The following KDM2A variants were observed in gnomAD, a reference collection of about 807,000 sequenced individuals.
The protein encoded by KDM2A is lysine-specific demethylase 2A.
KDM2A carries 3 observed loss-of-function variants against 137.3 expected under a neutral mutation model. The observed-to-expected ratio is 0.02, with a 90% CI of 0.01 to 0.06. The LOEUF is 0.06. Ranked by LOEUF, KDM2A falls within the 10% of genes least tolerant of loss-of-function variation. KDM2A has a pLI of 1.00. For missense variants in KDM2A, 738 were observed against 1,510.6 expected (o/e 0.49, Z 8.48); for synonymous variants, 512 against 541.5 (o/e 0.95, Z 0.76).
At chr11:67,134,547 G>A (rs543977819) in intron 2 of KDM2A, among the ~76,000 whole-genome samples, 17 of 151,954 alleles carry the variant, frequency 1.1e-4, no homozygotes, top group African/African-American at 4.1e-4. Context: ...ATCTGTTGCC[G>A]AGGCTGGAAT....
intron 12 of KDM2A, among the ~76,000 whole-genome samples, chr11:67,237,742 G>A (rs1858912260): frequency 6.6e-6 from 1 of 151,928 alleles, no homozygotes. Context: ...AAGGCCAGGA[G>A]TTCAAGACCA....
At chr11:67,237,101 A>T (rs937714806) in intron 12 of KDM2A, among the ~76,000 whole-genome samples, 2 of 152,208 alleles carry the variant, frequency 1.3e-5, no homozygotes, top group Non-Finnish European at 2.9e-5. Flanking sequence ...TAGGATATAA[A>T]TTTATTACTA....
intron 5 of KDM2A, among the ~76,000 whole-genome samples, chr11:67,193,450 T>C (rs1169892787): frequency 1.3e-5 from 2 of 152,380 alleles, no homozygotes; most frequent in South Asian, 2.1e-4. Flanking sequence ...TATTCTGTTA[T>C]CACTTTCTCA....
chr11:67,158,868 G>T (rs1231259253), intron 2 of KDM2A, among the ~76,000 whole-genome samples: 6 of 151,912 alleles, frequency 3.9e-5, no homozygotes, highest in African/African-American at 1.5e-4. Flanking sequence ...TATTGTGCTG[G>T]TTTTTTTATT....
intron 2 of KDM2A, among the ~76,000 whole-genome samples, chr11:67,161,183 T>C (rs1226147232): frequency 6.6e-6 from 1 of 152,204 alleles, no homozygotes; most frequent in African/African-American, 2.4e-5. Context: ...GAACGCAGTG[T>C]GATCCTGTCT....
At chr11:67,201,071 G>A (rs1378553661) in intron 5 of KDM2A, among the ~76,000 whole-genome samples, 1 of 151,906 alleles carries the variant, frequency 6.6e-6, no homozygotes, top group Non-Finnish European at 1.5e-5. Context: ...GCGGGCGCTT[G>A]TAGTCCCAGC....
chr11:67,240,928 A>C (rs558396858), intron 12 of KDM2A, among the ~76,000 whole-genome samples: 38 of 152,196 alleles, frequency 2.5e-4, no homozygotes, highest in East Asian at 3.9e-4. Context: ...GCCACCCCCC[A>C]CACACACACC....
chr11:67,130,842 A>C (rs1162608381), intron 2 of KDM2A, among the ~76,000 whole-genome samples: 1 of 151,624 alleles, frequency 6.6e-6, no homozygotes, highest in Non-Finnish European at 1.5e-5. Context: ...TGGAAGGTAG[A>C]TGGTATCGTT....
intron 5 of KDM2A, among the ~76,000 whole-genome samples, chr11:67,188,972 T>C (rs1590762485): frequency 6.6e-6 from 1 of 152,176 alleles, no homozygotes; most frequent in East Asian, 1.9e-4. Flanking sequence ...CAGTAATACC[T>C]GGAGACTTCA....
chr11:67,206,258 C>CCA (rs1252446248), intron 5 of KDM2A, among the ~76,000 whole-genome samples: 16 of 152,188 alleles, frequency 1.1e-4, no homozygotes, highest in African/African-American at 3.6e-4. Flanking sequence ...TGGCAAAACG[C>CCA]TGACTTTACC....
Position 67,140,497 on chromosome 11 carries a change from A to G in KDM2A, c.42+19139A>G, listed in dbSNP as rs574092333. Among the ~76,000 whole-genome samples the G allele has an allele frequency of 2.0e-5, 3 of 152,234 alleles. No individual in the cohort carries two copies. The East Asian group carries it at 5.8e-4, about 29-fold the overall frequency. ...CCTGGTGCGATGGTTCACTCCTGTAATCCCAGCACTTTGGGAGGTGGAAGC... is the reference window on the plus strand; with the variant it reads ...CCTGGTGCGATGGTTCACTCCTGTAGTCCCAGCACTTTGGGAGGTGGAAGC... On this transcript the variant is annotated intron_variant, in intron 2 of 20. Transcript: ENST00000529006.
At position 67,245,013 on chromosome 11, in the gene KDM2A, A is replaced by T; in HGVS notation, c.1564-176A>T. On this transcript the variant is annotated intron_variant, in intron 13 of 20. Transcript: ENST00000529006. The surrounding 1 kb of genome is among the most constrained non-coding windows in gnomAD (Gnocchi z 4.1). The stretch of plus-strand genomic sequence containing the variant: ...AAAAAAAAAAAAAAAGCAGCCATTG[A>T]TAATACATACACAAGATGAGTTGTG... 1 of 629,730 alleles carries T rather than the reference A, an allele frequency of 1.6e-6. No homozygotes were observed. The highest frequency in any genetic ancestry group is 1.8e-5 in the African/African-American group (1 of 54,574). 39.0% of individuals were successfully genotyped at this position (629,730 alleles called of 1,614,324 possible).
rs1326558700 is a variant in KDM2A, at chr11:67,121,279, G to A, written c.-38G>A. ...GGAGGAAGAGGAAGGCAGCCCTGGAGTGGTTTCTTTACAGTAATTTCAACA... is the reference window on the plus strand; with the variant it reads ...GGAGGAAGAGGAAGGCAGCCCTGGAATGGTTTCTTTACAGTAATTTCAACA... On this transcript the variant is annotated 5_prime_UTR_variant, in exon 2 of 21. It adds an upstream start codon to the 5' untranslated region. Coordinates refer to ENST00000529006, the MANE Select transcript of KDM2A (RefSeq NM_012308.3). 5.0e-6 allele frequency: 8 copies of A among 1,586,790 alleles called. No individual in the cohort carries two copies. The highest frequency in any genetic ancestry group is 6.9e-6 in the Non-Finnish European group (8 of 1,155,362).
At chr11:67,170,606 G>T (rs1252350269) in intron 2 of KDM2A, among the ~76,000 whole-genome samples, 15 of 151,750 alleles carry the variant, frequency 9.9e-5, no homozygotes, top group African/African-American at 3.6e-4. Context: ...GTAGAAACGG[G>T]GTTTCACCAT....
chr11:67,139,491 C>T (rs1228038670), intron 2 of KDM2A, among the ~76,000 whole-genome samples: 2 of 151,858 alleles, frequency 1.3e-5, no homozygotes, highest in African/African-American at 4.8e-5. Context: ...GTGATTCGCC[C>T]ACCTCGGCCC....
intron 12 of KDM2A, 45 bp downstream of exon 12, chr11:67,232,005 G>C (rs1159263743): frequency 5.2e-6 from 8 of 1,532,992 alleles, no homozygotes; most frequent in Non-Finnish European, 7.0e-6. Flanking sequence ...TCCAGCTATG[G>C]CAGTCAGCTT....
At chr11:67,142,929 C>G (rs1381167012) in intron 2 of KDM2A, among the ~76,000 whole-genome samples, 6 of 151,576 alleles carry the variant, frequency 4.0e-5, no homozygotes, top group African/African-American at 1.5e-4. Flanking sequence ...TCTTTTATCT[C>G]TATCTTCTAC....
At position 67,243,050 on chromosome 11, in the gene KDM2A, C is replaced by A; in HGVS notation, c.1521C>A (p.Ala507=). 7 of 1,613,760 alleles carry A rather than the reference C, an allele frequency of 4.3e-6. No homozygotes were observed. Among genetic ancestry groups the A allele is most frequent in the Non-Finnish European group, 5.9e-6 (7 of 1,179,758 alleles). ...EELANSDPKL[A]LTGVPIVQWP... ...TTGCCAACAGCGATCCCAAGTTAGC[C>A]CTCACTGGAGTTCCTATAGTACAGT... The change falls in exon 13 of 21, where the codon GCC becomes GCA. Residue 507 remains alanine (A), a synonymous_variant. Coordinates refer to ENST00000529006, the MANE Select transcript of KDM2A (RefSeq NM_012308.3).
chr11:67,240,857 C>T (rs915590885), intron 12 of KDM2A, among the ~76,000 whole-genome samples: 1 of 152,114 alleles, frequency 6.6e-6, no homozygotes, highest in Non-Finnish European at 1.5e-5. Flanking sequence ...GGAAGGAAAT[C>T]TGCATTTCCC....
Sources: gnomAD v4.1 joint callset for allele counts (sites outside exome capture counted in the v4.1 genomes callset) on GRCh38, gnomAD v4.1.1 for gene constraint, Gnocchi (gnomAD v3.1) non-coding constraint, MANE v1.5 for transcripts, NCBI Gene and HGNC (gene_info 2026-07-23, HGNC 2026-07-21) for gene names.